ASXL2: variants seen among roughly 807,000 people sequenced by gnomAD.
ASXL2 encodes ASXL transcriptional regulator 2, also known as putative Polycomb group protein ASXL2.
ASXL2 carries 23 observed loss-of-function variants against 122.0 expected under a neutral mutation model. The ratio of observed to expected loss-of-function variants is 0.19; its 90% CI spans 0.14 to 0.27. The LOEUF (loss-of-function observed/expected upper bound fraction) is 0.27. Ranked by LOEUF, ASXL2 falls within the 10% of genes least tolerant of loss-of-function variation. The pLI, the probability that ASXL2 is intolerant of heterozygous loss-of-function variation, is 1.00. For synonymous variants in ASXL2, 650 were observed against 637.0 expected (o/e 1.02, Z -0.31); for missense variants, 1,518 against 1,713.8 (o/e 0.89, Z 2.02).
chr2:25,796,699 G>C (rs1055294062), intron 5 of ASXL2, among the ~76,000 whole-genome samples: 12 of 152,326 alleles, frequency 7.9e-5, no homozygotes, highest in African/African-American at 2.9e-4. Context: ...AGGGTTGTTA[G>C]AGCATTAAGT....
chr2:25,802,700 C>T (rs1397781049), intron 4 of ASXL2, among the ~76,000 whole-genome samples: 1 of 152,190 alleles, frequency 6.6e-6, no homozygotes, highest in Non-Finnish European at 1.5e-5. Context: ...AGGGTTGGAA[C>T]TTTCACTCAC....
At chr2:25,752,457 G>A (rs2088061909) in intron 11 of ASXL2, among the ~76,000 whole-genome samples, 1 of 152,082 alleles carries the variant, frequency 6.6e-6, no homozygotes, top group East Asian at 1.9e-4. Flanking sequence ...ATTACAGGTT[G>A]GTTCTAATAG....
At chr2:25,759,349 A>T in intron 9 of ASXL2, 133 bp downstream of exon 9, 1 of 915,304 alleles carries the variant, frequency 1.1e-6, no homozygotes, top group Non-Finnish European at 1.6e-6. Context: ...TTTTTTTCCT[A>T]AGCCTTAAAA....
intron 2 of ASXL2, among the ~76,000 whole-genome samples, chr2:25,835,812 C>G (rs2089503833): frequency 6.6e-6 from 1 of 152,126 alleles, no homozygotes; most frequent in South Asian, 2.1e-4. Flanking sequence ...GATTATGTAA[C>G]AGAGTAAAAC....
intron 5 of ASXL2, among the ~76,000 whole-genome samples, chr2:25,799,100 T>C (rs562442744): frequency 6.6e-6 from 1 of 152,296 alleles, no homozygotes; most frequent in African/African-American, 2.4e-5. Flanking sequence ...ATTGTGAACC[T>C]GAAACAGCTC....
chr2:25,827,809 A>G (rs1353101369), intron 3 of ASXL2, among the ~76,000 whole-genome samples: 1 of 152,220 alleles, frequency 6.6e-6, no homozygotes, highest in Non-Finnish European at 1.5e-5. Flanking sequence ...AGGTCAACAG[A>G]GCAGCAGATG....
chr2:25,851,133 C>T (rs1168934684), intron 1 of ASXL2, among the ~76,000 whole-genome samples: 2 of 131,096 alleles, frequency 1.5e-5, no homozygotes, highest in East Asian at 2.2e-4. Flanking sequence ...GCAACAAGAG[C>T]AAAACTCCTT....
Position 25,750,019 on chromosome 2 carries a change from T to G in ASXL2, c.1537A>C (p.Asn513His), listed in dbSNP as rs1463868620. ...KNHLTTASNY[N>H]KSESQESLVT... ...AAAGATTCTTGGCTTTCACTTTTGT[T>G]ATAATTAGAAGCTGTGGTGAGATGG... Residue 513 changes from asparagine (N) to histidine (H), a missense_variant, in exon 12 of 13, where the codon AAC becomes CAC. Asn to His is a moderately conservative substitution (Grantham distance 68, BLOSUM62 1). Transcript: ENST00000435504. The G allele has an allele frequency of 2.5e-6, 4 of 1,613,896 alleles. No individual in the cohort carries two copies. The highest frequency in any genetic ancestry group is 2.5e-6 in the Non-Finnish European group (3 of 1,179,894).
intron 7 of ASXL2, 149 bp downstream of exon 7, chr2:25,768,593 C>T: frequency 1.1e-6 from 1 of 876,798 alleles, no homozygotes; most frequent in Admixed American, 2.9e-5. Context: ...TCCCATTTAT[C>T]CTGGATTTAT....
intron 1 of ASXL2, 24 bp downstream of exon 1, chr2:25,878,142 T>C: frequency 6.2e-7 from 1 of 1,613,402 alleles, no homozygotes. Context: ...CTCCCGGCCT[T>C]CCCCTTCGCT....
chr2:25,845,208 G>A, intron 2 of ASXL2: 2 of 404,340 alleles, frequency 4.9e-6, no homozygotes, highest in South Asian at 4.1e-5. Context: ...ACAGATGAAG[G>A]CTTGAAGATG....
chr2:25,821,036 G>A (rs1480304025), intron 3 of ASXL2, among the ~76,000 whole-genome samples: 2 of 151,862 alleles, frequency 1.3e-5, no homozygotes, highest in South Asian at 2.1e-4. Context: ...AAAATTAGCC[G>A]GGCATGGAGG....
chr2:25,811,949 C>T (rs1040161284), intron 3 of ASXL2, among the ~76,000 whole-genome samples: 6 of 151,828 alleles, frequency 4.0e-5, no homozygotes, highest in African/African-American at 1.5e-4. Context: ...GGGGTTTCAC[C>T]ATGTTGGCTA....
At chr2:25,848,922 T>C (rs1406465854) in intron 1 of ASXL2, among the ~76,000 whole-genome samples, 1 of 150,308 alleles carries the variant, frequency 6.7e-6, no homozygotes, top group East Asian at 2.0e-4. Context: ...GGCAGGTGCC[T>C]GTAGTCCCGG....
intron 5 of ASXL2, among the ~76,000 whole-genome samples, chr2:25,774,543 T>G (rs2088515435): frequency 6.6e-6 from 1 of 152,226 alleles, no homozygotes. Context: ...TTATATGTAG[T>G]TTTCCATGTT....
Position 25,742,283 on chromosome 2 carries a change from T to C in ASXL2, c.4054A>G (p.Ser1352Gly), listed in dbSNP as rs1236387463. ...AATGACATGACATCACCTACATTGC[T>C]AGATACCTGGCTACCTGGTACAGCA... The part of the protein sequence containing the change: ...NSAVPGSQVS[S>G]NVGDVMSFSV... The change falls in exon 13 of 13, where the codon AGC (serine) becomes GGC (glycine). Residue 1352 changes from serine (S) to glycine (G), a missense_variant. Around this residue, in one of 8 missense-constraint regions of ASXL2, gnomAD observed 831 missense variants for 833.1 expected, o/e 1.00. Transcript: ENST00000435504. 2.5e-6 allele frequency: 4 copies of C among 1,613,944 alleles called. No homozygotes were observed. The highest frequency in any genetic ancestry group is 2.2e-5 in the South Asian group (2 of 91,070).
At chr2:25,790,110 T>C (rs918923107) in intron 5 of ASXL2, among the ~76,000 whole-genome samples, 1 of 152,186 alleles carries the variant, frequency 6.6e-6, no homozygotes, top group Non-Finnish European at 1.5e-5. Context: ...AAAAATCATC[T>C]AAACTATTGC....
At chr2:25,794,768 C>T (rs1046872224) in intron 5 of ASXL2, among the ~76,000 whole-genome samples, 2 of 152,070 alleles carry the variant, frequency 1.3e-5, no homozygotes, top group African/African-American at 4.8e-5. Flanking sequence ...TTCTTCCTGT[C>T]TTACAATGCA....
chr2:25,775,982 C>T (rs2088540519), intron 5 of ASXL2, among the ~76,000 whole-genome samples: 1 of 152,054 alleles, frequency 6.6e-6, no homozygotes. Flanking sequence ...TTTTGCAATC[C>T]ATTCAGAGTC....
Sources: allele counts gnomAD v4.1 joint callset (sites outside exome capture counted in the v4.1 genomes callset), GRCh38; gene constraint gnomAD v4.1.1; regional missense constraint gnomAD v4.1.1; transcripts MANE v1.5; gene names NCBI Gene and HGNC (gene_info 2026-07-23, HGNC 2026-07-21).